The following PARP3 variants were observed in gnomAD, a reference collection of about 807,000 sequenced individuals.
PARP3 encodes the protein protein mono-ADP-ribosyltransferase PARP3.
PARP3 carries 46 observed loss-of-function variants against 58.2 expected under a neutral mutation model. The ratio of observed to expected loss-of-function variants is 0.79; its 90% CI spans 0.62 to 1.01. The LOEUF is 1.01. PARP3 is among the 50% of genes least tolerant of loss of function. PARP3 has a pLI of 0.00. For synonymous variants in PARP3, 252 were observed against 266.4 expected, an observed-to-expected ratio of 0.95 and a Z score of 0.53; for missense variants, 663 against 683.9, an observed-to-expected ratio of 0.97 and a Z score of 0.34.
rs773069122 is a variant in PARP3 at position 51,944,501 on chromosome 3, C to T, written c.424C>T (p.His142Tyr). Reference protein sequence around the residue: ...KTKNNWAERDHFVSHPGKYTL... With the variant: ...KTKNNWAERDYFVSHPGKYTL... ...CAAGAACAACTGGGCAGAGCGGGAC[C>T]ACTTTGTGTCTCACCCGGGCAAGTA... Residue 142 changes from histidine (H) to tyrosine (Y), a missense_variant, in exon 4 of 11, where the codon CAC (histidine) becomes TAC (tyrosine). Around this residue, in one of 3 missense-constraint regions of PARP3, gnomAD observed 567 missense variants for 553.6 expected, o/e 1.02. Coordinates refer to ENST00000398755, the MANE Select transcript of PARP3 (RefSeq NM_001003931.4). This position sits in a 1 kb window ranked among gnomAD's most constrained non-coding sequence, Gnocchi z 4.2. 1.9e-6 allele frequency: 3 copies of T among 1,614,180 alleles called. No individual in the cohort carries two copies. The highest frequency in any genetic ancestry group is 1.7e-5 in the Admixed American group (1 of 60,030).
Position 51,948,343 on chromosome 3 carries a change from G to A in PARP3, c.1465G>A (p.Gly489Ser). The change falls in exon 11 of 11, where the codon GGC becomes AGC. Residue 489 changes from glycine to serine, a missense_variant. Around this residue, in one of 3 missense-constraint regions of PARP3, gnomAD observed 88 missense variants for 109.1 expected, o/e 0.81. Coordinates refer to ENST00000398755, the MANE Select transcript of PARP3 (RefSeq NM_001003931.4). ...PTQDTELELDGQQVVVPQGQP... is the reference protein window; with the variant it reads ...PTQDTELELDSQQVVVPQGQP... ...CCAGGACACTGAGTTGGAGCTGGATGGCCAGCAAGTGGTGGTGCCCCAGGG... is the reference window on the plus strand; with the variant it reads ...CCAGGACACTGAGTTGGAGCTGGATAGCCAGCAAGTGGTGGTGCCCCAGGG... 1.2e-6 allele frequency: 2 copies of A among 1,613,966 alleles called. No individual in the cohort carries two copies. Among genetic ancestry groups the A allele is most frequent in the Middle Eastern group, 3.3e-4 (2 of 6,060 alleles).
chr3:51,943,024 T>C, intron 1 of PARP3: 1 of 1,395,872 alleles, frequency 7.2e-7, no homozygotes, highest in Non-Finnish European at 9.3e-7. Flanking sequence ...CCTTTCACTT[T>C]CCCTACCCCT....
chr3:51,945,144 A>G lies in PARP3; in HGVS notation c.781A>G (p.Ile261Val). 6.2e-7 allele frequency: 1 copy of G among 1,614,110 alleles called. No homozygotes were observed. Among genetic ancestry groups the G allele is most frequent in the Non-Finnish European group, 8.5e-7 (1 of 1,180,044 alleles). ...GCTGTCCTCACACTTTTACACCGTC[A>G]TCCCGCACAACTTCGGCCACAGCCA... is the stretch of plus-strand genomic sequence containing the variant. Reference protein sequence around the residue: ...EELSSHFYTVIPHNFGHSQPP... With the variant: ...EELSSHFYTVVPHNFGHSQPP... The change falls in exon 6 of 11, where the codon ATC becomes GTC. Residue 261 changes from isoleucine to valine, a missense_variant. Around this residue, in one of 3 missense-constraint regions of PARP3, gnomAD observed 567 missense variants for 553.6 expected, o/e 1.02. Transcript: ENST00000398755.
rs1699671805 is a variant in PARP3, at chr3:51,946,157, T to G, written c.1099-9T>G. The G allele has an allele frequency of 1.3e-6, 2 of 1,581,452 alleles. No homozygotes were observed. Among genetic ancestry groups the G allele is most frequent in the African/African-American group, 1.3e-5 (1 of 74,326 alleles). ...CATCACTCCCATTTCTCACTTCCTC[T>G]CCACTCAGGAAGACAGATTCCAGGC... On this transcript the variant is annotated splice_polypyrimidine_tract_variant and intron_variant, in intron 8 of 10. Transcript: ENST00000398755. This position sits in a 1 kb window ranked among gnomAD's most constrained non-coding sequence, Gnocchi z 4.6.
intron 10 of PARP3, 82 bp downstream of exon 10, chr3:51,947,977 G>A (rs1222935828): frequency 7.5e-7 from 1 of 1,337,834 alleles, no homozygotes; most frequent in Admixed American, 2.0e-5. Flanking sequence ...AGGGGGCTGT[G>A]AAGAGGGACA....
In PARP3 at chr3:51,946,914, C is replaced by T. The variant is rs780909287; in HGVS notation, c.1276+571C>T. Among the ~76,000 whole-genome samples the T allele has an allele frequency of 2.0e-4, 31 of 152,274 alleles. No homozygotes were observed. Among genetic ancestry groups the T allele is most frequent in the Non-Finnish European group, 3.8e-4 (26 of 68,030 alleles). On this transcript the variant is annotated intron_variant, in intron 9 of 10. Transcript: ENST00000398755. The surrounding 1 kb of genome is among the most constrained non-coding windows in gnomAD (Gnocchi z 4.6). ...GGGTGGGCTAGGGGCCCAGAACGAT[C>T]GAGGAGGCTTTATCCAGAGAGTGAT...
rs1699670834 is a variant in PARP3 at position 51,946,117 on chromosome 3, T to A, written c.1099-49T>A. On this transcript the variant is annotated intron_variant, in intron 8 of 10. Transcript: ENST00000398755. The surrounding 1 kb of genome is among the most constrained non-coding windows in gnomAD (Gnocchi z 4.6). Reference sequence around the variant, plus strand: ...GTCACAAGCAGCAGGGCAAGGCGACTGAGTGCTCGGGTGGCATCACTCCCA... The same window carrying A: ...GTCACAAGCAGCAGGGCAAGGCGACAGAGTGCTCGGGTGGCATCACTCCCA... 3.3e-6 allele frequency: 5 copies of A among 1,529,334 alleles called. 1 individual carries two copies. The highest frequency in any genetic ancestry group is 1.7e-4 in the Middle Eastern group (1 of 5,766). The allele number at this position is 1,529,334 out of a possible 1,614,324, so 94.7% of individuals were successfully genotyped here. A position where few individuals can be genotyped will look rare whatever the true frequency, so the allele number is the denominator to read the frequency against.
rs1699608782 is a variant in PARP3 at position 51,944,026 on chromosome 3, G to A, written c.184-63G>A. The A allele has an allele frequency of 1.3e-6, 2 of 1,541,386 alleles. No homozygotes were observed. Among genetic ancestry groups the A allele is most frequent in the South Asian group, 2.3e-5 (2 of 86,306 alleles). On this transcript the variant is annotated intron_variant, in intron 2 of 10. Coordinates refer to ENST00000398755, the MANE Select transcript of PARP3 (RefSeq NM_001003931.4). This position sits in a 1 kb window ranked among gnomAD's most constrained non-coding sequence, Gnocchi z 4.2. The stretch of plus-strand genomic sequence containing the variant: ...TCCTGTCCCCATCAGAGCCCTCTCG[G>A]TGTACGGCCAGGCACCCCATCTGAC...
Position 51,946,301 on chromosome 3 carries a change from G to A in PARP3, c.1234G>A (p.Gly412Ser), listed in dbSNP as rs1461989223. 1.9e-6 allele frequency: 3 copies of A among 1,613,426 alleles called. No individual in the cohort carries two copies. Among genetic ancestry groups the A allele is most frequent in the Non-Finnish European group, 2.5e-6 (3 of 1,179,634 alleles). ...ACATTCTGGTGGGCGTGTTGGCAAG[G>A]GCATCTACTTTGCCTCAGAGAACAG... ...MPHSGGRVGK[G>S]IYFASENSKS... is the part of the protein sequence containing the mutation. Residue 412 changes from glycine (G) to serine (S), a missense_variant, in exon 9 of 11, where the codon GGC becomes AGC. Physicochemically the swap from Gly to Ser is moderately conservative, Grantham distance 56. Around this residue, in one of 3 missense-constraint regions of PARP3, gnomAD observed 567 missense variants for 553.6 expected, o/e 1.02. Coordinates refer to ENST00000398755, the MANE Select transcript of PARP3 (RefSeq NM_001003931.4). This position sits in a 1 kb window ranked among gnomAD's most constrained non-coding sequence, Gnocchi z 4.6.
chr3:51,947,046 G>A (rs1157156012), intron 9 of PARP3, among the ~76,000 whole-genome samples: 1 of 152,246 alleles, frequency 6.6e-6, no homozygotes, highest in African/African-American at 2.4e-5. Flanking sequence ...ATCCAGGCTG[G>A]ATGTGATGGG....
chr3:51,943,221 G>A, intron 1 of PARP3, 133 bp from the exon 2 acceptor site: 1 of 1,011,822 alleles, frequency 9.9e-7, no homozygotes, highest in Non-Finnish European at 1.4e-6. Context: ...GCAGTGGGAG[G>A]CCACCGAAGG....
intron 6 of PARP3, 126 bp from the exon 7 acceptor site, chr3:51,945,369 C>A: frequency 7.3e-7 from 1 of 1,366,852 alleles, no homozygotes. Context: ...GCTGGGCAGA[C>A]AGATAGGGTG....
At position 51,944,347 on chromosome 3, in the gene PARP3, A is replaced by G; in HGVS notation, c.313-43A>G. The G allele has an allele frequency of 6.2e-7, 1 of 1,611,492 alleles. No homozygotes were observed. The highest frequency in any genetic ancestry group is 1.1e-5 in the South Asian group (1 of 90,804). ...GGCCTGGCCCGACACACAGGCCAGC[A>G]AATGCTGATGGTGGGCATACCCCTG... is the stretch of plus-strand genomic sequence containing the variant. On this transcript the variant is annotated intron_variant, in intron 3 of 10. Transcript: ENST00000398755. This position sits in a 1 kb window ranked among gnomAD's most constrained non-coding sequence, Gnocchi z 4.2.
rs775633945 is a variant in PARP3, at chr3:51,944,618, G to T, written c.501+40G>T. 5 of 1,604,334 alleles carry T rather than the reference G, an allele frequency of 3.1e-6. No homozygotes were observed. Among genetic ancestry groups the T allele is most frequent in the African/African-American group, 1.3e-5 (1 of 74,716 alleles). ...GAAGGTGGGCAGGCCCTGGACTGAGGGAGGGGACTCGTTGGAGAGTTCCCG... is the reference window on the plus strand; with the variant it reads ...GAAGGTGGGCAGGCCCTGGACTGAGTGAGGGGACTCGTTGGAGAGTTCCCG... On this transcript the variant is annotated intron_variant, in intron 4 of 10. Coordinates refer to ENST00000398755, the MANE Select transcript of PARP3 (RefSeq NM_001003931.4). This position sits in a 1 kb window ranked among gnomAD's most constrained non-coding sequence, Gnocchi z 4.2.
At chr3:51,945,356 A>G (rs968225542) in intron 6 of PARP3, 132 bp downstream of exon 6, 2 of 1,366,256 alleles carry the variant, frequency 1.5e-6, no homozygotes, top group Non-Finnish European at 2.0e-6. Context: ...ACGGGTGGGG[A>G]AGGCTGGGCA....
At position 51,945,575 on chromosome 3, in the gene PARP3, C is replaced by T. The variant is rs1223044660; in HGVS notation, c.942C>T (p.Pro314=). Residue 314 remains proline (P), a synonymous_variant, in exon 7 of 11, where the codon CCC becomes CCT. Coordinates refer to ENST00000398755, the MANE Select transcript of PARP3 (RefSeq NM_001003931.4). ...AGACGGTGGAGGAGGTGCCACACCC[C>T]CTGGACCGAGACTACCAGCTTCTCA... ...QEKTVEEVPH[P]LDRDYQLLKC... The T allele has an allele frequency of 1.2e-6, 2 of 1,613,922 alleles. No individual in the cohort carries two copies. The highest frequency in any genetic ancestry group is 1.7e-6 in the Non-Finnish European group (2 of 1,180,006).
In PARP3 at chr3:51,944,429, C is replaced by A; in HGVS notation, c.352C>A (p.Leu118Ile). ...GQSKINHFTR[L>I]EDAKKDFEKK... ...GTCAAAGATCAACCACTTCACAAGG[C>A]TAGAAGATGCAAAGAAGGACTTTGA... The change falls in exon 4 of 11, where the codon CTA (leucine) becomes ATA (isoleucine). Residue 118 changes from leucine (L) to isoleucine (I), a missense_variant. Leu to Ile is a conservative substitution (Grantham distance 5). Around this residue, in one of 3 missense-constraint regions of PARP3, gnomAD observed 567 missense variants for 553.6 expected, o/e 1.02. Transcript: ENST00000398755. The surrounding 1 kb of genome is among the most constrained non-coding windows in gnomAD (Gnocchi z 4.2). 6.2e-7 allele frequency: 1 copy of A among 1,614,030 alleles called. No homozygotes were observed. Among genetic ancestry groups the A allele is most frequent in the Non-Finnish European group, 8.5e-7 (1 of 1,180,036 alleles).
At position 51,947,848 on chromosome 3, in the gene PARP3, C is replaced by T. The variant is rs369716461; in HGVS notation, c.1385C>T (p.Pro462Leu). The change falls in exon 10 of 11, where the codon CCA (proline) becomes CTA (leucine). Residue 462 changes from proline to leucine, a missense_variant. This residue lies in a region of PARP3 where 88 missense variants were observed against 109.1 expected (regional missense o/e 0.81). Coordinates refer to ENST00000398755, the MANE Select transcript of PARP3 (RefSeq NM_001003931.4). ...INTDNPSLKS[P>L]PPGFDSVIAR... Reference sequence around the variant, plus strand: ...ACGGACAACCCCAGCTTGAAGAGCCCACCTCCTGGCTTCGACAGTGTCATT... The same window carrying T: ...ACGGACAACCCCAGCTTGAAGAGCCTACCTCCTGGCTTCGACAGTGTCATT... 52 of 1,614,112 alleles carry T rather than the reference C, an allele frequency of 3.2e-5. No individual in the cohort carries two copies. The highest frequency in any genetic ancestry group is 3.9e-5 in the Non-Finnish European group (46 of 1,180,024).
Position 51,948,581 on chromosome 3 carries a change from A to G in PARP3, c.*101A>G. ...TATATCACTCCTTTTTTTCAAGAAT[A>G]CAATACGTTGTTGTTAACTATAGTC... On this transcript the variant is annotated 3_prime_UTR_variant, in exon 11 of 11. Transcript: ENST00000398755. The G allele has an allele frequency of 1.9e-6, 2 of 1,036,410 alleles. No homozygotes were observed. Among genetic ancestry groups the G allele is most frequent in the Admixed American group, 4.5e-5 (2 of 44,072 alleles). The allele number at this position is 1,036,410 out of a possible 1,614,324, so 64.2% of individuals were successfully genotyped here.
Sources: allele counts gnomAD v4.1 joint callset (sites outside exome capture counted in the v4.1 genomes callset), GRCh38; gene constraint gnomAD v4.1.1; regional missense constraint gnomAD v4.1.1; non-coding constraint Gnocchi (gnomAD v3.1); transcripts MANE v1.5; gene names NCBI Gene and HGNC (gene_info 2026-07-23, HGNC 2026-07-21).